Variants in HELZ observed in about 807,000 individuals in gnomAD.
The protein encoded by HELZ is ATP-dependent RNA helicase with zinc finger domain.
In HELZ, 23 loss-of-function variants were observed where a neutral mutation model predicts 218.2. That is an observed-to-expected ratio of 0.11 (90% CI 0.08 to 0.15). The LOEUF (loss-of-function observed/expected upper bound fraction) is 0.15. Ranked by LOEUF, HELZ falls within the 10% of genes least tolerant of loss-of-function variation. The probability of loss-of-function intolerance (pLI) is 1.00; values close to 1 mark genes in which losing one functional copy is unlikely to be tolerated. For missense variants in HELZ, 1,813 were observed against 2,353.7 expected (o/e 0.77, Z 4.75); for synonymous variants, 814 against 829.4 (o/e 0.98, Z 0.32).
At chr17:67,204,862 T>C (rs1425707683) in intron 5 of HELZ, among the ~76,000 whole-genome samples, 2 of 152,048 alleles carry the variant, frequency 1.3e-5, no homozygotes, top group African/African-American at 4.8e-5. Flanking sequence ...ATGTCTTGAG[T>C]GTCTTATAAA....
chr17:67,109,056 A>G, intron 29 of HELZ, 60 bp downstream of exon 29: 1 of 1,310,286 alleles, frequency 7.6e-7, no homozygotes, highest in Non-Finnish European at 1.1e-6. Context: ...ATGATATTAT[A>G]CAGTCCAAGT....
intron 5 of HELZ, among the ~76,000 whole-genome samples, chr17:67,212,974 T>C (rs555317645): frequency 2.4e-4 from 36 of 152,328 alleles, no homozygotes; most frequent in African/African-American, 8.4e-4. Flanking sequence ...TCGGTTAAAC[T>C]TATATTTTAG....
At chr17:67,201,025 G>A (rs534876691) in intron 7 of HELZ, 104 bp downstream of exon 7, 6 of 868,774 alleles carry the variant, frequency 6.9e-6, no homozygotes, top group East Asian at 2.4e-5. Context: ...TCACAGCCTC[G>A]CCTTCTGGCT....
chr17:67,123,083 T>C lies in HELZ; in HGVS notation c.3517A>G (p.Asn1173Asp), dbSNP rs1381259851. The C allele has an allele frequency of 6.2e-7, 1 of 1,613,464 alleles. No individual in the cohort carries two copies. Among genetic ancestry groups the C allele is most frequent in the African/African-American group, 1.3e-5 (1 of 74,918 alleles). ...TPPPPLGPHPNLGKSPSPVQR... is the reference protein window; with the variant it reads ...TPPPPLGPHPDLGKSPSPVQR... ...ACAGGGCTTGGAGATTTTCCCAAAT[T>C]TGGGTGAGGTCCAAGAGGGGGTGGA... Residue 1173 changes from asparagine (N) to aspartate (D), a missense_variant, in exon 26 of 33, where the codon AAT becomes GAT. Asn to Asp is a conservative substitution (Grantham distance 23). This residue lies in a region of HELZ where 938 missense variants were observed against 1,027.5 expected (regional missense o/e 0.91). Coordinates refer to ENST00000358691, the MANE Select transcript of HELZ (RefSeq NM_014877.4).
In HELZ at chr17:67,114,351, T is replaced by C. The variant is rs1190058987; in HGVS notation, c.3891A>G (p.Pro1297=). The change falls in exon 28 of 33, where the codon CCA becomes CCG. Residue 1297 remains proline (P), a synonymous_variant. Coordinates refer to ENST00000358691, the MANE Select transcript of HELZ (RefSeq NM_014877.4). ...SGPEINKIRT[P]EKKPTEPKQV... ...GTTTTGGTTCTGTTGGCTTTTTCTC[T>C]GGTGTTCGAATCTTATTAATTTCAG... 1.2e-6 allele frequency: 2 copies of C among 1,611,470 alleles called. No individual in the cohort carries two copies. Among genetic ancestry groups the C allele is most frequent in the Non-Finnish European group, 1.7e-6 (2 of 1,177,654 alleles).
chr17:67,138,014 G>T lies in HELZ; in HGVS notation c.2870C>A (p.Ala957Asp), dbSNP rs1177185224. Residue 957 changes from alanine to aspartate, a missense_variant, in exon 22 of 33, where the codon GCT becomes GAT. Physicochemically the swap from Ala to Asp is moderately radical, Grantham distance 126. Transcript: ENST00000358691. ...AGCACGTATTCTAAACACTTGATCA[G>T]CATATGGAGTCACCACACCAATACT... is the stretch of plus-strand genomic sequence containing the variant. ...DGSIGVVTPY[A>D]DQVFRIRAEL... The T allele has an allele frequency of 6.2e-7, 1 of 1,613,598 alleles. No homozygotes were observed. The highest frequency in any genetic ancestry group is 8.5e-7 in the Non-Finnish European group (1 of 1,179,698).
In HELZ at chr17:67,084,907, G is replaced by T. The variant is rs577411664; in HGVS notation, c.5494+1922C>A. Among the ~76,000 whole-genome samples, 16 of 152,086 alleles carry T rather than the reference G, an allele frequency of 1.1e-4. No homozygotes were observed. In the South Asian group the frequency reaches 3.3e-3, roughly 32 times the overall value. On this transcript the variant is annotated intron_variant, in intron 32 of 32. Transcript: ENST00000358691. Reference sequence around the variant, plus strand: ...GGCCAAGGCGGATGGATCACTTGAGGTCAGCCTGGCCAACACGATGTAGCC... The same window carrying T: ...GGCCAAGGCGGATGGATCACTTGAGTTCAGCCTGGCCAACACGATGTAGCC...
At chr17:67,217,918 T>C (rs1375279259) in intron 4 of HELZ, among the ~76,000 whole-genome samples, 1 of 149,876 alleles carries the variant, frequency 6.7e-6, no homozygotes, top group Non-Finnish European at 1.5e-5. Flanking sequence ...TTTTTGGTTT[T>C]TGTTTTTTGT....
intron 5 of HELZ, among the ~76,000 whole-genome samples, chr17:67,211,384 A>AAT (rs2040446625): frequency 6.6e-6 from 1 of 152,154 alleles, no homozygotes; most frequent in Admixed American, 6.5e-5. Flanking sequence ...CTTATTTTTT[A>AAT]GAGAGGCATA....
chr17:67,196,908 TCTC>T (rs1192230934), intron 7 of HELZ, among the ~76,000 whole-genome samples: 1 of 152,122 alleles, frequency 6.6e-6, no homozygotes, highest in Non-Finnish European at 1.5e-5. Context: ...CTAGAATGTC[TCTC>T]ATCTCTCTTA....
chr17:67,165,407 C>T (rs945802940), intron 15 of HELZ, among the ~76,000 whole-genome samples: 1 of 152,136 alleles, frequency 6.6e-6, no homozygotes, highest in Admixed American at 6.5e-5. Context: ...TCACTCTTCC[C>T]CTGTCGGCCA....
chr17:67,091,172 A>G (rs2036564155), intron 31 of HELZ, among the ~76,000 whole-genome samples: 1 of 152,106 alleles, frequency 6.6e-6, no homozygotes, highest in Non-Finnish European at 1.5e-5. Flanking sequence ...TCCATTGGTC[A>G]AAGATAGGGG....
intron 15 of HELZ, among the ~76,000 whole-genome samples, chr17:67,162,881 T>C (rs2039030686): frequency 6.6e-6 from 1 of 152,076 alleles, no homozygotes; most frequent in Non-Finnish European, 1.5e-5. Flanking sequence ...ATGCCCTACA[T>C]AGTAGAGGAG....
chr17:67,185,982 C>T (rs1271741536), intron 12 of HELZ, among the ~76,000 whole-genome samples: 2 of 152,088 alleles, frequency 1.3e-5, no homozygotes, highest in African/African-American at 4.8e-5. Flanking sequence ...TTTGTTTCTT[C>T]CAGCTACCAG....
intron 23 of HELZ, among the ~76,000 whole-genome samples, chr17:67,130,345 TA>T (rs941580803): frequency 1.5e-4 from 23 of 150,666 alleles, no homozygotes; most frequent in African/African-American, 5.1e-4. Flanking sequence ...AGAATTTTAA[TA>T]AAAAAAATTA....
At chr17:67,218,443 C>T (rs1425255307) in intron 4 of HELZ, 152 bp downstream of exon 4, 3 of 662,266 alleles carry the variant, frequency 4.5e-6, no homozygotes, top group East Asian at 2.7e-5. Context: ...GGTTCAAAAA[C>T]GTAGTTACCT....
chr17:67,112,592 G>A (rs2037312982), intron 28 of HELZ, among the ~76,000 whole-genome samples: 1 of 152,228 alleles, frequency 6.6e-6, no homozygotes, highest in African/African-American at 2.4e-5. Context: ...TATAGAAGCT[G>A]TGAGTAAGAG....
rs1555605956 is a variant in HELZ, at chr17:67,125,343, T to TATATATATATATAC, written c.3388-1330_3388-1329insGTATATATATATAT. Among the ~76,000 whole-genome samples the TATATATATATATAC allele has an allele frequency of 4.9e-5, 3 of 61,398 alleles. 1 individual carries two copies. The highest frequency in any genetic ancestry group is 9.3e-5 in the Non-Finnish European group (3 of 32,386). The allele number at this position is 61,398 out of a possible 152,430, so 40.3% of individuals were successfully genotyped here. A position where few individuals can be genotyped will look rare whatever the true frequency, so the allele number is the denominator to read the frequency against. On this transcript the variant is annotated intron_variant, in intron 24 of 32. Transcript: ENST00000358691. ...ATATATATATATATATATATATATA[T>TATATATATATATAC]ATACTTGTGAGGAATAGAGACGTGA... is the stretch of plus-strand genomic sequence containing the variant.
intron 31 of HELZ, among the ~76,000 whole-genome samples, chr17:67,092,892 C>T (rs1295790686): frequency 6.8e-6 from 1 of 147,530 alleles, no homozygotes; most frequent in African/African-American, 2.5e-5. Flanking sequence ...TTGAAACCGG[C>T]GGGGGGGGGA....
Sources: allele counts gnomAD v4.1 joint callset (sites outside exome capture counted in the v4.1 genomes callset), GRCh38; gene constraint gnomAD v4.1.1; regional missense constraint gnomAD v4.1.1; transcripts MANE v1.5; gene names NCBI Gene and HGNC (gene_info 2026-07-23, HGNC 2026-07-21).